TP53BP1: variants seen among roughly 807,000 people sequenced by gnomAD.
TP53BP1 encodes TP53-binding protein 1.
TP53BP1 carries 61 observed loss-of-function variants against 200.8 expected under a neutral mutation model. The observed-to-expected ratio is 0.30, with a 90% CI of 0.25 to 0.38. The LOEUF is 0.38. Ranked by LOEUF, TP53BP1 falls within the 10% of genes least tolerant of loss-of-function variation. The pLI is 1.00. For synonymous variants in TP53BP1, 822 were observed against 844.3 expected (o/e 0.97, Z 0.46); for missense variants, 2,144 against 2,371.9 (o/e 0.90, Z 2.00).
intron 10 of TP53BP1, among the ~76,000 whole-genome samples, chr15:43,473,194 G>A (rs912195671): frequency 2.0e-5 from 3 of 152,204 alleles, no homozygotes; most frequent in Non-Finnish European, 2.9e-5. Context: ...AGAGTGAGCA[G>A]TAGCAAGATT....
chr15:43,508,056 T>C (rs1235818228), intron 1 of TP53BP1, among the ~76,000 whole-genome samples: 1 of 152,166 alleles, frequency 6.6e-6, no homozygotes, highest in Non-Finnish European at 1.5e-5. Context: ...CTATGTGCAA[T>C]TTAACACTTA....
chr15:43,510,563 T>C (rs1302413269), exon 1 of TP53BP1: 2 of 178,044 alleles, frequency 1.1e-5, no homozygotes, highest in South Asian at 1.2e-4. Context: ...CAGACACAGA[T>C]GGAGGCAACG....
intron 12 of TP53BP1, among the ~76,000 whole-genome samples, chr15:43,453,764 C>G (rs553247374): frequency 6.6e-6 from 1 of 151,836 alleles, no homozygotes; most frequent in East Asian, 1.9e-4. Flanking sequence ...AGGCTGGTCT[C>G]GAACTCCTGA....
rs1447715423 is a variant in TP53BP1, at chr15:43,491,544, C to T, written c.371+125G>A. ...TTACAATACTATCTAATACAACCCT[C>T]AAGTCCCATTTCCTAATCCACAAGA... On this transcript the variant is annotated intron_variant, in intron 4 of 27. Coordinates refer to ENST00000382044, the MANE Select transcript of TP53BP1 (RefSeq NM_001141980.3). 2.7e-5 allele frequency: 21 copies of T among 777,274 alleles called. 1 individual carries two copies. The East Asian group carries it at 3.4e-4, about 13-fold the overall frequency. 48.1% of individuals were successfully genotyped at this position (777,274 alleles called of 1,614,324 possible). A position where few individuals can be genotyped will look rare whatever the true frequency, so the allele number is the denominator to read the frequency against.
chr15:43,509,187 A>G (rs1228468634), intron 1 of TP53BP1, among the ~76,000 whole-genome samples: 2 of 896 alleles, frequency 2.2e-3, no homozygotes. Flanking sequence ...AGATCCACAA[A>G]CGGGGGGGGG....
chr15:43,471,538 T>G (rs915286802), intron 10 of TP53BP1, among the ~76,000 whole-genome samples: 3 of 152,106 alleles, frequency 2.0e-5, no homozygotes, highest in Admixed American at 6.5e-5. Flanking sequence ...GTGATTCTCC[T>G]GCCTCAGCCT....
At chr15:43,466,408 C>A (rs928737596) in intron 11 of TP53BP1, among the ~76,000 whole-genome samples, 4 of 152,102 alleles carry the variant, frequency 2.6e-5, no homozygotes, top group African/African-American at 9.7e-5. Flanking sequence ...TAAAAAAAGA[C>A]AATTACAATT....
In TP53BP1 at chr15:43,441,526, C is replaced by G; in HGVS notation, c.3098G>C (p.Ser1033Thr). Reference protein sequence around the residue: ...GSTAVAESVASPQKTMSVLSC... With the variant: ...GSTAVAESVATPQKTMSVLSC... ...CTAAATAGCATCCAGCTTTGGTTAC[C>G]TGGCAACAGACTCAGCAACAGCAGT... The change falls in exon 15 of 28, where the codon AGT (serine) becomes ACT (threonine). Residue 1033 changes from serine to threonine, a missense_variant and splice_region_variant. Ser to Thr is a moderately conservative substitution (Grantham distance 58). This residue lies in a region of TP53BP1 where 1,700 missense variants were observed against 1,710.3 expected (regional missense o/e 0.99). Coordinates refer to ENST00000382044, the MANE Select transcript of TP53BP1 (RefSeq NM_001141980.3). 2 of 1,610,710 alleles carry G rather than the reference C, an allele frequency of 1.2e-6. No homozygotes were observed. Among genetic ancestry groups the G allele is most frequent in the Non-Finnish European group, 1.7e-6 (2 of 1,176,988 alleles).
intron 22 of TP53BP1, among the ~76,000 whole-genome samples, chr15:43,416,019 G>A (rs2045258781): frequency 6.6e-6 from 1 of 152,176 alleles, no homozygotes; most frequent in Non-Finnish European, 1.5e-5. Flanking sequence ...GAGGAGGCCA[G>A]AAAAACCCTA....
chr15:43,467,522 T>C (rs551660968), intron 11 of TP53BP1, among the ~76,000 whole-genome samples: 1 of 130,560 alleles, frequency 7.7e-6, no homozygotes, highest in Admixed American at 6.9e-5. Context: ...AAATTTTCAT[T>C]GCTGATTTTT....
At chr15:43,447,890 A>G (rs2046080007) in intron 12 of TP53BP1, among the ~76,000 whole-genome samples, 1 of 152,234 alleles carries the variant, frequency 6.6e-6, no homozygotes. Context: ...ATGCTAACCT[A>G]AGGAGTTTGT....
chr15:43,463,318 A>G (rs1409680145), intron 11 of TP53BP1, among the ~76,000 whole-genome samples: 2 of 152,336 alleles, frequency 1.3e-5, no homozygotes, highest in East Asian at 1.9e-4. Flanking sequence ...AGAAAAAAAT[A>G]GACAAAATTA....
In TP53BP1 at chr15:43,509,200, G is replaced by C. The variant is rs940709847; in HGVS notation, c.-9+1170C>G. On this transcript the variant is annotated intron_variant, in intron 1 of 27. Coordinates refer to the TP53BP1 transcript ENST00000263801. ...TCAGATCCACAAACGGGGGGGGGGG[G>C]GGCAGAGGTACAGCGGAACACCGTC... Among the ~76,000 whole-genome samples the C allele has an allele frequency of 5.2e-4, 43 of 83,224 alleles. 13 individuals are homozygous for C. Among genetic ancestry groups the C allele is most frequent in the Non-Finnish European group, 1.0e-3 (42 of 42,170 alleles). The allele number at this position is 83,224 out of a possible 152,430, so 54.6% of individuals were successfully genotyped here. A position where few individuals can be genotyped will look rare whatever the true frequency, so the allele number is the denominator to read the frequency against.
intron 11 of TP53BP1, among the ~76,000 whole-genome samples, chr15:43,459,808 G>C (rs1485121418): frequency 6.6e-6 from 1 of 152,008 alleles, no homozygotes; most frequent in Non-Finnish European, 1.5e-5. Flanking sequence ...TGGGAATACA[G>C]GTGGGCGCCA....
chr15:43,483,768 TG>T, intron 4 of TP53BP1, among the ~76,000 whole-genome samples: 1 of 152,284 alleles, frequency 6.6e-6, no homozygotes, highest in Non-Finnish European at 1.5e-5. Context: ...ATATTGCAAA[TG>T]GTAGAAAAGA....
Position 43,403,452 on chromosome 15 carries a change from G to A in TP53BP1, c.*3931C>T, listed in dbSNP as rs1595503634. ...TAAATGTGGCTAGATTGGAGGTTTG[G>A]TGCAGGGCTAAGAGAGTAATACTCG... is the stretch of plus-strand genomic sequence containing the variant. On this transcript the variant is annotated 3_prime_UTR_variant, in exon 28 of 28. Coordinates refer to ENST00000382044, the MANE Select transcript of TP53BP1 (RefSeq NM_001141980.3). 1 of 411,742 alleles carries A rather than the reference G, an allele frequency of 2.4e-6. No homozygotes were observed. The highest frequency in any genetic ancestry group is 4.4e-6 in the Non-Finnish European group (1 of 226,872). 25.5% of individuals were successfully genotyped at this position (411,742 alleles called of 1,614,324 possible). A position where few individuals can be genotyped will look rare whatever the true frequency, so the allele number is the denominator to read the frequency against.
At chr15:43,433,451 G>A (rs1218080179) in intron 16 of TP53BP1, among the ~76,000 whole-genome samples, 2 of 152,120 alleles carry the variant, frequency 1.3e-5, no homozygotes, top group East Asian at 1.9e-4. Context: ...GAATAAAAAC[G>A]TCCAGGCTAA....
intron 1 of TP53BP1, 136 bp downstream of exon 1, chr15:43,492,900 CT>C: frequency 1.1e-6 from 1 of 887,920 alleles, no homozygotes; most frequent in South Asian, 1.6e-5. Flanking sequence ...TCCCCACCCC[CT>C]CCTTAGGGCC....
chr15:43,461,379 C>G (rs998772451), intron 11 of TP53BP1, among the ~76,000 whole-genome samples: 1 of 151,928 alleles, frequency 6.6e-6, no homozygotes, highest in Non-Finnish European at 1.5e-5. Flanking sequence ...ACCACCACAC[C>G]TAATTTTTTA....
Sources: gnomAD v4.1 joint callset for allele counts (sites outside exome capture counted in the v4.1 genomes callset) on GRCh38, gnomAD v4.1.1 for gene constraint, gnomAD v4.1.1 regional missense constraint, MANE v1.5 for transcripts, NCBI Gene and HGNC (gene_info 2026-07-23, HGNC 2026-07-21) for gene names.